BIRC3: variants seen among roughly 807,000 people sequenced by gnomAD.
BIRC3 encodes baculoviral IAP repeat containing 3.
In BIRC3, 26 loss-of-function variants were observed where a neutral mutation model predicts 59.0. The observed-to-expected ratio is 0.44, with a 90% CI of 0.32 to 0.61. The LOEUF (loss-of-function observed/expected upper bound fraction) is 0.61, where lower values mean the gene tolerates loss of function less well. Ranked by LOEUF, BIRC3 falls within the 20% of genes least tolerant of loss-of-function variation. The pLI, the probability that BIRC3 is intolerant of heterozygous loss-of-function variation, is 0.04. For missense variants in BIRC3, 641 were observed against 711.5 expected (o/e 0.90, Z 1.13); for synonymous variants, 243 against 249.2 (o/e 0.98, Z 0.24).
chr11:102,329,868 A>G (rs754865094), intron 5 of BIRC3, among the ~76,000 whole-genome samples: 13 of 152,140 alleles, frequency 8.5e-5, no homozygotes, highest in Non-Finnish European at 1.8e-4. Context: ...GCACACCAAC[A>G]TGGCACATGT....
In BIRC3 at chr11:102,323,829, G is replaced by A. The variant is rs574274321; in HGVS notation, c.-681G>A. ...GTTGTAAATCTTACCATTATTTTAC[G>A]TACCTCTAAGAAATAAAAGTGCTTC... On this transcript the variant is annotated 5_prime_UTR_variant, in exon 2 of 9. Coordinates refer to ENST00000263464, the MANE Select transcript of BIRC3 (RefSeq NM_001165.5). 47 of 199,978 alleles carry A rather than the reference G, an allele frequency of 2.4e-4. No homozygotes were observed. The highest frequency in any genetic ancestry group is 6.0e-4 in the African/African-American group (26 of 43,548). The allele number at this position is 199,978 out of a possible 1,614,324, so 12.4% of individuals were successfully genotyped here. A position where few individuals can be genotyped will look rare whatever the true frequency, so the allele number is the denominator to read the frequency against.
At position 102,324,379 on chromosome 11, in the gene BIRC3, GAAATAA is replaced by G. The variant is rs1951060406; in HGVS notation, c.-124_-119del. Reference sequence around the variant, plus strand: ...TCCATGTTGAAACTCTAAATGCATAGAAATAAAAATAATAAAAAATTTTTCATTTTG... The same window carrying G: ...TCCATGTTGAAACTCTAAATGCATAGAAATAATAAAAAATTTTTCATTTTG... On this transcript the variant is annotated 5_prime_UTR_variant, in exon 2 of 9. Coordinates refer to ENST00000263464, the MANE Select transcript of BIRC3 (RefSeq NM_001165.5). 9 of 1,037,356 alleles carry G rather than the reference GAAATAA, an allele frequency of 8.7e-6. No homozygotes were observed. The East Asian group carries it at 2.4e-4, about 28-fold the overall frequency. The allele number at this position is 1,037,356 out of a possible 1,614,324, so 64.3% of individuals were successfully genotyped here. A position where few individuals can be genotyped will look rare whatever the true frequency, so the allele number is the denominator to read the frequency against.
Position 102,331,037 on chromosome 11 carries a change from G to A in BIRC3, c.1120G>A (p.Ala374Thr), listed in dbSNP as rs373338711. 5.0e-6 allele frequency: 8 copies of A among 1,613,544 alleles called. No homozygotes were observed. The African/African-American group carries it at 9.3e-5, about 19-fold the overall frequency. ...ACCTGGAGAAGACCATTCAGAAGAT[G>A]CAATCATGATGAATACTCCTGTGAT... Reference protein sequence around the residue: ...FEPGEDHSEDAIMMNTPVINA... With the variant: ...FEPGEDHSEDTIMMNTPVINA... Residue 374 changes from alanine to threonine, a missense_variant, in exon 6 of 9, where the codon GCA (alanine) becomes ACA (threonine). Coordinates refer to ENST00000263464, the MANE Select transcript of BIRC3 (RefSeq NM_001165.5).
chr11:102,329,356 G>A (rs745940463), intron 5 of BIRC3, among the ~76,000 whole-genome samples: 1 of 152,124 alleles, frequency 6.6e-6, no homozygotes, highest in Non-Finnish European at 1.5e-5. Flanking sequence ...AAATAGGGAC[G>A]CTGAGGCTCA....
chr11:102,328,824 A>C, intron 4 of BIRC3, 73 bp from the exon 5 acceptor site: 1 of 577,956 alleles, frequency 1.7e-6, no homozygotes, highest in Non-Finnish European at 2.4e-6. Flanking sequence ...GGTCATTTTC[A>C]TTGCAATGGG....
At chr11:102,321,112 C>T (rs1951027151) in intron 1 of BIRC3, among the ~76,000 whole-genome samples, 1 of 152,184 alleles carries the variant, frequency 6.6e-6, no homozygotes, top group African/African-American at 2.4e-5. Context: ...ATGAGGCATG[C>T]AGATTAATCT....
At chr11:102,319,858 G>A (rs1025885880) in intron 1 of BIRC3, 2 of 152,166 alleles carry the variant, frequency 1.3e-5, no homozygotes, top group African/African-American at 4.8e-5. Flanking sequence ...TGGCATATTT[G>A]TGTATATTTA....
chr11:102,325,239 A>G lies in BIRC3; in HGVS notation c.730A>G (p.Arg244Gly), dbSNP rs1021677759. The G allele has an allele frequency of 1.2e-6, 2 of 1,614,038 alleles. No individual in the cohort carries two copies. The highest frequency in any genetic ancestry group is 1.3e-5 in the African/African-American group (1 of 74,910). ...AGAAAATCAGCTTCAAGACACTTCA[A>G]GATACACAGTTTCTAATCTGAGCAT... ...FIENQLQDTS[R>G]YTVSNLSMQT... is the part of the protein sequence containing the mutation. Residue 244 changes from arginine to glycine, a missense_variant, in exon 2 of 9, where the codon AGA (arginine) becomes GGA (glycine). Physicochemically the swap from Arg to Gly is moderately radical, Grantham distance 125. This residue lies in a region of BIRC3 where 329 missense variants were observed against 365.6 expected (regional missense o/e 0.90). Transcript: ENST00000263464.
chr11:102,332,826 C>T (rs1326691365), intron 6 of BIRC3, among the ~76,000 whole-genome samples: 1 of 152,182 alleles, frequency 6.6e-6, no homozygotes, highest in Non-Finnish European at 1.5e-5. Flanking sequence ...AACCTTTGCC[C>T]AGCCTCATCA....
rs144117251 is a variant in BIRC3 at position 102,322,099 on chromosome 11, G to A, written c.-2411G>A. ...TTTGATTTGTGGAAATAAAGGAAAA[G>A]TGATTCTAGCTGGGGCATATTGTTA... On this transcript the variant is annotated 5_prime_UTR_variant, in exon 2 of 9. In the 5' UTR this introduces an upstream ATG that the reference lacks. Coordinates refer to ENST00000263464, the MANE Select transcript of BIRC3 (RefSeq NM_001165.5). 1 of 201,632 alleles carries A rather than the reference G, an allele frequency of 5.0e-6. No homozygotes were observed. Among genetic ancestry groups the A allele is most frequent in the East Asian group, 7.7e-5 (1 of 13,040 alleles). 12.5% of individuals were successfully genotyped at this position (201,632 alleles called of 1,614,324 possible).
chr11:102,324,812 C>G lies in BIRC3; in HGVS notation c.303C>G (p.Ser101=), dbSNP rs374571638. The change falls in exon 2 of 9, where the codon TCC becomes TCG. Residue 101 remains serine (S), a synonymous_variant. Coordinates refer to ENST00000263464, the MANE Select transcript of BIRC3 (RefSeq NM_001165.5). ...GCAGATTCGTTCAGAGTCTAAATTC[C>G]GTTAACAACTTGGAAGCTACCTCTC... is the stretch of plus-strand genomic sequence containing the variant. The part of the protein sequence containing the change: ...PSCRFVQSLN[S]VNNLEATSQP... 6.2e-7 allele frequency: 1 copy of G among 1,614,156 alleles called. No individual in the cohort carries two copies.
At chr11:102,318,893 G>A (rs761799858) in intron 1 of BIRC3, among the ~76,000 whole-genome samples, 47 of 152,294 alleles carry the variant, frequency 3.1e-4, no homozygotes, top group South Asian at 6.2e-4. Context: ...TATTAACACC[G>A]AAAGCAGTTT....
chr11:102,329,055 G>T, intron 5 of BIRC3, 110 bp downstream of exon 5: 1 of 584,056 alleles, frequency 1.7e-6, no homozygotes, highest in Non-Finnish European at 2.7e-6. Context: ...AATTTACGAT[G>T]AATGCATTTT....
At position 102,322,181 on chromosome 11, in the gene BIRC3, G is replaced by T; in HGVS notation, c.-2329G>T. On this transcript the variant is annotated 5_prime_UTR_variant, in exon 2 of 9. An upstream start codon of the reference 5' UTR is lost. Coordinates refer to ENST00000263464, the MANE Select transcript of BIRC3 (RefSeq NM_001165.5). ...TCCTACTGGCACATTCTCCCATTATGTAGAATAGAAATAGTACCTGTGTTT... is the reference window on the plus strand; with the variant it reads ...TCCTACTGGCACATTCTCCCATTATTTAGAATAGAAATAGTACCTGTGTTT... 4.9e-6 allele frequency: 1 copy of T among 206,176 alleles called. No individual in the cohort carries two copies. The highest frequency in any genetic ancestry group is 9.9e-6 in the Non-Finnish European group (1 of 100,832). 12.8% of individuals were successfully genotyped at this position (206,176 alleles called of 1,614,324 possible). A position where few individuals can be genotyped will look rare whatever the true frequency, so the allele number is the denominator to read the frequency against.
intron 1 of BIRC3, among the ~76,000 whole-genome samples, chr11:102,319,595 C>T (rs1051347193): frequency 6.6e-6 from 1 of 152,154 alleles, no homozygotes; most frequent in Non-Finnish European, 1.5e-5. Context: ...AAGGTTCCTG[C>T]TCAATGATGT....
chr11:102,335,637 CATTATT>C (rs17883841), intron 6 of BIRC3, among the ~76,000 whole-genome samples: 4 of 151,746 alleles, frequency 2.6e-5, no homozygotes, highest in African/African-American at 9.7e-5. Flanking sequence ...CTATAAGTAG[CATTATT>C]ATTATTATTA....
Position 102,338,227 on chromosome 11 carries a change from A to G in BIRC3, c.*1125A>G. ...TTCTTATAGAGGTATTAGGTCTTCAAGAGCAGAAGTAAGACTGTAATAGGG... is the reference window on the plus strand; with the variant it reads ...TTCTTATAGAGGTATTAGGTCTTCAGGAGCAGAAGTAAGACTGTAATAGGG... On this transcript the variant is annotated 3_prime_UTR_variant, in exon 9 of 9. Transcript: ENST00000263464. The G allele has an allele frequency of 4.4e-6, 1 of 227,288 alleles. No individual in the cohort carries two copies. The highest frequency in any genetic ancestry group is 2.2e-5 in the African/African-American group (1 of 45,118). The allele number at this position is 227,288 out of a possible 1,614,324, so 14.1% of individuals were successfully genotyped here. A position where few individuals can be genotyped will look rare whatever the true frequency, so the allele number is the denominator to read the frequency against.
At chr11:102,335,431 A>G (rs150166167) in intron 6 of BIRC3, among the ~76,000 whole-genome samples, 2 of 152,200 alleles carry the variant, frequency 1.3e-5, no homozygotes, top group East Asian at 3.8e-4. Context: ...AAAGCACAGT[A>G]CATGACACCA....
chr11:102,317,977 C>T (rs560103656), intron 1 of BIRC3, among the ~76,000 whole-genome samples: 2 of 152,274 alleles, frequency 1.3e-5, no homozygotes, highest in East Asian at 1.9e-4. Flanking sequence ...CGCATGTTTC[C>T]AAGCGGTGGT....
Sources: gnomAD v4.1 joint callset for allele counts (sites outside exome capture counted in the v4.1 genomes callset) on GRCh38, gnomAD v4.1.1 for gene constraint, gnomAD v4.1.1 regional missense constraint, MANE v1.5 for transcripts, NCBI Gene and HGNC (gene_info 2026-07-23, HGNC 2026-07-21) for gene names.